The following PDS5B variants were observed in gnomAD, a reference collection of about 807,000 sequenced individuals.
PDS5B encodes the protein PDS5 cohesin associated factor B, also known as sister chromatid cohesion protein PDS5 homolog B.
In PDS5B, 51 loss-of-function variants were observed where a neutral mutation model predicts 184.1. The observed-to-expected ratio is 0.28, with a 90% CI of 0.22 to 0.35. PDS5B has a LOEUF of 0.35. Ranked by LOEUF, PDS5B falls within the 10% of genes least tolerant of loss-of-function variation. The pLI is 1.00. For synonymous variants in PDS5B, 566 were observed against 569.2 expected, an observed-to-expected ratio of 0.99 and a Z score of 0.08; for missense variants, 1,180 against 1,723.3, an observed-to-expected ratio of 0.68 and a Z score of 5.58.
intron 1 of PDS5B, among the ~76,000 whole-genome samples, chr13:32,599,117 C>A (rs566015371): frequency 6.6e-6 from 1 of 151,570 alleles, no homozygotes; most frequent in East Asian, 1.9e-4. Flanking sequence ...TTATTCTTCT[C>A]TGGTCTCCAT....
intron 15 of PDS5B, among the ~76,000 whole-genome samples, chr13:32,698,930 C>T (rs938245039): frequency 6.6e-6 from 1 of 151,806 alleles, no homozygotes; most frequent in African/African-American, 2.4e-5. Context: ...TTTTTGTATT[C>T]TTTTAGTAGA....
intron 21 of PDS5B, among the ~76,000 whole-genome samples, chr13:32,735,732 G>A (rs1052814448): frequency 2.6e-5 from 4 of 151,970 alleles, no homozygotes; most frequent in East Asian, 3.8e-4. Flanking sequence ...GGGAGAGAAC[G>A]AAAAAACATT....
At chr13:32,657,884 A>G (rs1280914979) in intron 3 of PDS5B, among the ~76,000 whole-genome samples, 1 of 152,206 alleles carries the variant, frequency 6.6e-6, no homozygotes, top group East Asian at 1.9e-4. Context: ...TTACTGTTCC[A>G]GGAAACCTGA....
At chr13:32,743,892 A>C (rs1295861533) in intron 23 of PDS5B, among the ~76,000 whole-genome samples, 3 of 152,136 alleles carry the variant, frequency 2.0e-5, no homozygotes, top group African/African-American at 7.2e-5. Flanking sequence ...ATTTTTACTG[A>C]ATTTGAAATA....
At chr13:32,649,561 T>A (rs921116447) in intron 2 of PDS5B, 13 of 152,202 alleles carry the variant, frequency 8.5e-5, no homozygotes, top group Non-Finnish European at 1.8e-4. Context: ...ATATTTATGT[T>A]GCTTGATATA....
At position 32,694,460 on chromosome 13, in the gene PDS5B, A is replaced by C. The variant is rs1046969579; in HGVS notation, c.1551+156A>C. Among the ~76,000 whole-genome samples the C allele has an allele frequency of 4.6e-5, 7 of 152,076 alleles. No individual in the cohort carries two copies. The South Asian group carries it at 1.4e-3, about 31-fold the overall frequency. ...GTTTAGAAAACTCTGAATTTTTAAGAAACTTATTAGATAGAAAGTGATAAA... is the reference window on the plus strand; with the variant it reads ...GTTTAGAAAACTCTGAATTTTTAAGCAACTTATTAGATAGAAAGTGATAAA... On this transcript the variant is annotated intron_variant, in intron 14 of 34. Transcript: ENST00000315596.
intron 16 of PDS5B, 93 bp from the exon 17 acceptor site, chr13:32,701,230 C>T (rs1951853026): frequency 3.0e-6 from 2 of 666,966 alleles, no homozygotes; most frequent in African/African-American, 3.7e-5. Flanking sequence ...AGCGTCAGTA[C>T]TACATGGTTT....
rs762471686 is a variant in PDS5B at position 32,770,507 on chromosome 13, G to A, written c.4011G>A (p.Thr1337=). The change falls in exon 32 of 35, where the codon ACG becomes ACA. Residue 1337 remains threonine, a synonymous_variant. Coordinates refer to ENST00000315596, the MANE Select transcript of PDS5B (RefSeq NM_015032.4). ...AAGAAGAAAGACAAAGTGGAAATAC[G>A]GAACAGAAGTCCAAAAGCAAACAGC... The part of the protein sequence containing the change: ...EEEEERQSGN[T]EQKSKSKQHR... 10 of 1,610,100 alleles carry A rather than the reference G, an allele frequency of 6.2e-6. No homozygotes were observed. The highest frequency in any genetic ancestry group is 4.0e-5 in the African/African-American group (3 of 74,366).
At chr13:32,598,267 G>C (rs2057912533) in intron 1 of PDS5B, among the ~76,000 whole-genome samples, 1 of 151,822 alleles carries the variant, frequency 6.6e-6, no homozygotes, top group African/African-American at 2.4e-5. Context: ...TAGAGATGGG[G>C]TTTCACTATG....
In PDS5B at chr13:32,640,290, A is replaced by G. The variant is rs139829281; in HGVS notation, c.-19-8464A>G. Among the ~76,000 whole-genome samples the G allele has an allele frequency of 1.8e-3, 278 of 152,338 alleles. 6 individuals are homozygous for G. In the East Asian group the frequency reaches 0.045, roughly 25 times the overall value. On this transcript the variant is annotated intron_variant, in intron 1 of 34. Coordinates refer to ENST00000315596, the MANE Select transcript of PDS5B (RefSeq NM_015032.4). Reference sequence around the variant, plus strand: ...GAGATGAAATCTCGCTGTCTCACCCATGCTGGAGTGCAACGGCACGATCTC... The same window carrying G: ...GAGATGAAATCTCGCTGTCTCACCCGTGCTGGAGTGCAACGGCACGATCTC...
At chr13:32,614,198 T>G (rs1164589819) in intron 1 of PDS5B, among the ~76,000 whole-genome samples, 1 of 152,226 alleles carries the variant, frequency 6.6e-6, no homozygotes, top group African/African-American at 2.4e-5. Context: ...CAAGTTTCAT[T>G]TGCCTATTTT....
intron 13 of PDS5B, chr13:32,688,890 A>G (rs1342851807): frequency 3.4e-6 from 1 of 292,972 alleles, no homozygotes; most frequent in Non-Finnish European, 6.6e-6. Flanking sequence ...GGCATTAGAA[A>G]CATTCATATT....
intron 3 of PDS5B, chr13:32,652,434 A>G (rs1950389183): frequency 6.3e-6 from 1 of 159,286 alleles, no homozygotes; most frequent in Non-Finnish European, 1.4e-5. Context: ...ATTGTGTTAT[A>G]CATTGTTATG....
At chr13:32,732,349 C>A (rs571881310) in intron 20 of PDS5B, 125 bp downstream of exon 20, 11 of 671,034 alleles carry the variant, frequency 1.6e-5, no homozygotes, top group African/African-American at 1.5e-4. Flanking sequence ...GAATTTGAAT[C>A]AGTAAAATCA....
At chr13:32,629,349 C>T (rs945835435) in intron 1 of PDS5B, among the ~76,000 whole-genome samples, 1 of 151,360 alleles carries the variant, frequency 6.6e-6, no homozygotes, top group Non-Finnish European at 1.5e-5. Context: ...GGCTGCATTT[C>T]TTGTATATTT....
At chr13:32,665,580 C>G (rs570439860) in intron 6 of PDS5B, among the ~76,000 whole-genome samples, 5 of 104,992 alleles carry the variant, frequency 4.8e-5, no homozygotes, top group African/African-American at 1.8e-4. Context: ...CAGAGCGAGA[C>G]TCCGACTCAA....
chr13:32,734,168 C>T (rs1032894277), intron 20 of PDS5B, among the ~76,000 whole-genome samples: 2 of 152,052 alleles, frequency 1.3e-5, no homozygotes, highest in Non-Finnish European at 2.9e-5. Flanking sequence ...GCTGGGACTA[C>T]AGGCGTATGC....
At chr13:32,629,068 T>C (rs2058415980) in intron 1 of PDS5B, among the ~76,000 whole-genome samples, 1 of 152,138 alleles carries the variant, frequency 6.6e-6, no homozygotes, top group South Asian at 2.1e-4. Flanking sequence ...AGATCACCGG[T>C]TTTCAAATTT....
At chr13:32,717,608 T>C (rs1409185271) in intron 19 of PDS5B, among the ~76,000 whole-genome samples, 2 of 138,968 alleles carry the variant, frequency 1.4e-5, no homozygotes, top group Non-Finnish European at 3.1e-5. Flanking sequence ...TTCACTTGTT[T>C]ATCTGCTGAC....
Sources: allele counts gnomAD v4.1 joint callset (sites outside exome capture counted in the v4.1 genomes callset), GRCh38; gene constraint gnomAD v4.1.1; transcripts MANE v1.5; gene names NCBI Gene and HGNC (gene_info 2026-07-23, HGNC 2026-07-21).